The following YIPF4 variants were observed in gnomAD, a reference collection of about 807,000 sequenced individuals.
YIPF4 encodes the protein Yip1 domain family member 4.
Under a neutral mutation model 29.4 loss-of-function variants are expected in YIPF4, and 18 were observed. That is an observed-to-expected ratio of 0.61 (90% CI 0.42 to 0.91). YIPF4 has a LOEUF of 0.91. Ranked by LOEUF, YIPF4 falls within the 40% of genes least tolerant of loss-of-function variation. The probability of loss-of-function intolerance (pLI) is 0.00; values close to 1 mark genes in which losing one functional copy is unlikely to be tolerated. For synonymous variants in YIPF4, 115 were observed against 104.7 expected (o/e 1.10, Z -0.60); for missense variants, 279 against 282.7 (o/e 0.99, Z 0.09).
intron 2 of YIPF4, 51 bp from the exon 3 acceptor site, chr2:32,292,126 T>C: frequency 8.1e-7 from 1 of 1,234,154 alleles, no homozygotes; most frequent in South Asian, 2.2e-5. Context: ...TGGAATTGTT[T>C]TAGTATTCAG....
In YIPF4 at chr2:32,316,177, T is replaced by C. The variant is rs188731212; in HGVS notation, c.*10551T>C. On this transcript the variant is annotated 3_prime_UTR_variant, in exon 6 of 6. Transcript: ENST00000238831. ...GGGAAAAATATTTGTAGGACTTATG[T>C]AGACAAAGGACTAATTTTCTTAATA... 4 of 152,260 alleles carry C rather than the reference T, an allele frequency of 2.6e-5. No homozygotes were observed. Among genetic ancestry groups the C allele is most frequent in the African/African-American group, 9.6e-5 (4 of 41,550 alleles). The allele number at this position is 152,260 out of a possible 1,614,324, so 9.4% of individuals were successfully genotyped here. A position where few individuals can be genotyped will look rare whatever the true frequency, so the allele number is the denominator to read the frequency against.
In YIPF4 at chr2:32,290,600, T is replaced by C. The variant is rs1475456997; in HGVS notation, c.197T>C (p.Val66Ala). 1 of 1,575,974 alleles carries C rather than the reference T, an allele frequency of 6.3e-7. No homozygotes were observed. Among genetic ancestry groups the C allele is most frequent in the Middle Eastern group, 1.7e-4 (1 of 5,916 alleles). Residue 66 changes from valine (V) to alanine (A), a missense_variant, in exon 2 of 6, where the codon GTT becomes GCT. Val to Ala is a moderately conservative substitution (Grantham distance 64). Coordinates refer to ENST00000238831, the MANE Select transcript of YIPF4 (RefSeq NM_032312.4). ...AGAGGTTATGGCTGGCTTCTGGAAG[T>C]TGAAGATGATGATCCTGAAGATAAC... ...RQRGYGWLLE[V>A]EDDDPEDNKP...
At chr2:32,283,802 C>T (rs2030538099) in intron 1 of YIPF4, among the ~76,000 whole-genome samples, 1 of 151,558 alleles carries the variant, frequency 6.6e-6, no homozygotes. Flanking sequence ...ATTGCAACCT[C>T]TGCCTCCCAG....
Position 32,279,900 on chromosome 2 carries a change from CT to C in YIPF4, c.79+1681del, listed in dbSNP as rs763736310. Among the ~76,000 whole-genome samples, 621 of 127,534 alleles carry C rather than the reference CT, an allele frequency of 4.9e-3. 3 individuals carry two copies. Among genetic ancestry groups the C allele is most frequent in the African/African-American group, 0.013 (444 of 34,936 alleles). 83.7% of individuals were successfully genotyped at this position (127,534 alleles called of 152,430 possible). A position where few individuals can be genotyped will look rare whatever the true frequency, so the allele number is the denominator to read the frequency against. On this transcript the variant is annotated intron_variant, in intron 1 of 5. Coordinates refer to ENST00000238831, the MANE Select transcript of YIPF4 (RefSeq NM_032312.4). ...CATTTATTTTTTTTTCTCTTATGTTCTTTTTTTTTTTTTTTGAGGTGTGGTC... is the reference window on the plus strand; with the variant it reads ...CATTTATTTTTTTTTCTCTTATGTTCTTTTTTTTTTTTTTGAGGTGTGGTC...
rs2031601493 is a variant in YIPF4, at chr2:32,306,999, A to G, written c.*1373A>G. On this transcript the variant is annotated 3_prime_UTR_variant, in exon 6 of 6. Transcript: ENST00000238831. ...AGCCGTCTTCCTTTCCCCTAATCCC[A>G]AAAGGAAAGAAAGAAAAACTTATTT... The G allele has an allele frequency of 1.1e-5, 8 of 738,678 alleles. No individual in the cohort carries two copies. Among genetic ancestry groups the G allele is most frequent in the Non-Finnish European group, 1.3e-5 (7 of 521,390 alleles). 45.8% of individuals were successfully genotyped at this position (738,678 alleles called of 1,614,324 possible).
At position 32,312,304 on chromosome 2, in the gene YIPF4, CG is replaced by C. The variant is rs2031729252; in HGVS notation, c.*6680del. Reference sequence around the variant, plus strand: ...GAGATCGAGACCATCCTGGCTAACACGGTGAAACCCTGACTCTACTAAAAAT... The same window carrying C: ...GAGATCGAGACCATCCTGGCTAACACGTGAAACCCTGACTCTACTAAAAAT... On this transcript the variant is annotated 3_prime_UTR_variant, in exon 6 of 6. Coordinates refer to ENST00000238831, the MANE Select transcript of YIPF4 (RefSeq NM_032312.4). 2 of 151,214 alleles carry C rather than the reference CG, an allele frequency of 1.3e-5. No homozygotes were observed. Among genetic ancestry groups the C allele is most frequent in the South Asian group, 2.1e-4 (1 of 4,786 alleles). The allele number at this position is 151,214 out of a possible 1,614,324, so 9.4% of individuals were successfully genotyped here. A position where few individuals can be genotyped will look rare whatever the true frequency, so the allele number is the denominator to read the frequency against.
In YIPF4 at chr2:32,301,063, A is replaced by G. The variant is rs115302935; in HGVS notation, c.484-319A>G. Among the ~76,000 whole-genome samples the G allele has an allele frequency of 5.5e-3, 832 of 152,276 alleles. 11 individuals carry two copies. Among genetic ancestry groups the G allele is most frequent in the African/African-American group, 0.019 (784 of 41,552 alleles). On this transcript the variant is annotated intron_variant, in intron 4 of 5. Transcript: ENST00000238831. ...TGTAGTCCCTTTAAATAATTCTACA[A>G]TTTAGGGGAAGTAGTGACAAAATGT...
At position 32,314,825 on chromosome 2, in the gene YIPF4, A is replaced by C. The variant is rs2031790332; in HGVS notation, c.*9199A>C. 6.6e-6 allele frequency: 1 copy of C among 152,218 alleles called. No homozygotes were observed. Among genetic ancestry groups the C allele is most frequent in the Non-Finnish European group, 1.5e-5 (1 of 68,040 alleles). 9.4% of individuals were successfully genotyped at this position (152,218 alleles called of 1,614,324 possible). On this transcript the variant is annotated 3_prime_UTR_variant, in exon 6 of 6. Coordinates refer to ENST00000238831, the MANE Select transcript of YIPF4 (RefSeq NM_032312.4). ...AAATTTAAGTCATTTAGGTCAATGA[A>C]ACAGGAGGGTTTCCAGAATTATACC...
intron 1 of YIPF4, among the ~76,000 whole-genome samples, chr2:32,287,563 A>G (rs1015093071): frequency 6.6e-6 from 1 of 152,234 alleles, no homozygotes; most frequent in Non-Finnish European, 1.5e-5. Flanking sequence ...GCAGATCAGT[A>G]GTAAATTTCA....
Position 32,306,055 on chromosome 2 carries a change from T to A in YIPF4, c.*429T>A. 9.9e-6 allele frequency: 8 copies of A among 809,200 alleles called. No individual in the cohort carries two copies. The highest frequency in any genetic ancestry group is 5.7e-5 in the South Asian group (1 of 17,632). The allele number at this position is 809,200 out of a possible 1,614,324, so 50.1% of individuals were successfully genotyped here. A position where few individuals can be genotyped will look rare whatever the true frequency, so the allele number is the denominator to read the frequency against. On this transcript the variant is annotated 3_prime_UTR_variant, in exon 6 of 6. Transcript: ENST00000238831. ...AGATCCTGCAGATATATATTTATATTTATACATATATATTTATGAAATAAT... is the reference window on the plus strand; with the variant it reads ...AGATCCTGCAGATATATATTTATATATATACATATATATTTATGAAATAAT...
In YIPF4 at chr2:32,307,233, A is replaced by G; in HGVS notation, c.*1607A>G. The stretch of plus-strand genomic sequence containing the variant: ...TACACTTAAGAAATTGCTGAGGTTA[A>G]TACTTTGTTATAATGGATTATAATA... On this transcript the variant is annotated 3_prime_UTR_variant, in exon 6 of 6. Coordinates refer to ENST00000238831, the MANE Select transcript of YIPF4 (RefSeq NM_032312.4). The G allele has an allele frequency of 1.1e-6, 1 of 907,552 alleles. No individual in the cohort carries two copies. Among genetic ancestry groups the G allele is most frequent in the Admixed American group, 3.7e-5 (1 of 26,918 alleles). 56.2% of individuals were successfully genotyped at this position (907,552 alleles called of 1,614,324 possible). A position where few individuals can be genotyped will look rare whatever the true frequency, so the allele number is the denominator to read the frequency against.
intron 3 of YIPF4, among the ~76,000 whole-genome samples, chr2:32,294,738 C>T (rs1213002958): frequency 1.3e-5 from 2 of 152,168 alleles, no homozygotes; most frequent in Non-Finnish European, 2.9e-5. Context: ...GAGGTTGTAG[C>T]GAGCCGAGAT....
At position 32,306,957 on chromosome 2, in the gene YIPF4, A is replaced by G; in HGVS notation, c.*1331A>G. 1 of 411,958 alleles carries G rather than the reference A, an allele frequency of 2.4e-6. No individual in the cohort carries two copies. Among genetic ancestry groups the G allele is most frequent in the Non-Finnish European group, 4.2e-6 (1 of 235,424 alleles). 25.5% of individuals were successfully genotyped at this position (411,958 alleles called of 1,614,324 possible). A position where few individuals can be genotyped will look rare whatever the true frequency, so the allele number is the denominator to read the frequency against. On this transcript the variant is annotated 3_prime_UTR_variant, in exon 6 of 6. Transcript: ENST00000238831. ...CACCTCTGAAGCAAACCTACAAATG[A>G]GTGTGTTATCAAGCCCAGCCGTCTT...
chr2:32,305,632 G>C lies in YIPF4; in HGVS notation c.*6G>C. ...CGTTATATACTGGTGTGTGATCCAA[G>C]TTATACATGAATAGAAAAAGATGGT... On this transcript the variant is annotated 3_prime_UTR_variant, in exon 6 of 6. Coordinates refer to ENST00000238831, the MANE Select transcript of YIPF4 (RefSeq NM_032312.4). 2 of 1,566,550 alleles carry C rather than the reference G, an allele frequency of 1.3e-6. No homozygotes were observed. The highest frequency in any genetic ancestry group is 1.7e-6 in the Non-Finnish European group (2 of 1,160,064).
chr2:32,283,562 A>G (rs1022639557), intron 1 of YIPF4, among the ~76,000 whole-genome samples: 3 of 152,156 alleles, frequency 2.0e-5, no homozygotes, highest in African/African-American at 7.2e-5. Flanking sequence ...ACTGAACTCA[A>G]ATGCTCTTTC....
chr2:32,286,253 AT>A (rs1163214802), intron 1 of YIPF4, among the ~76,000 whole-genome samples: 13 of 152,200 alleles, frequency 8.5e-5, no homozygotes, highest in Non-Finnish European at 1.0e-4. Context: ...AGTGTCCTGA[AT>A]TTGATAGTTA....
At chr2:32,300,468 T>A (rs1222037705) in intron 4 of YIPF4, among the ~76,000 whole-genome samples, 2 of 151,332 alleles carry the variant, frequency 1.3e-5, no homozygotes, top group African/African-American at 4.8e-5. Context: ...GTTTCTTTTA[T>A]CCCTTCTATT....
chr2:32,283,471 G>A (rs1043097147), intron 1 of YIPF4, among the ~76,000 whole-genome samples: 12 of 152,074 alleles, frequency 7.9e-5, no homozygotes, highest in African/African-American at 2.7e-4. Context: ...GTGCTTTGGT[G>A]TTTTGTCTCC....
rs1362625018 is a variant in YIPF4, at chr2:32,290,497, A to G, written c.94A>G (p.Ile32Val). The G allele has an allele frequency of 4.5e-6, 7 of 1,565,266 alleles. No homozygotes were observed. Among genetic ancestry groups the G allele is most frequent in the Admixed American group, 1.9e-5 (1 of 53,258 alleles). The change falls in exon 2 of 6, where the codon ATA (isoleucine) becomes GTA (valine). Residue 32 changes from isoleucine (I) to valine (V), a missense_variant. Transcript: ENST00000238831. ...SADAEDLSGS[I>V]ASPDVKLNLG... ...TTTCTCCTAAGATCTCAGTGGTTCA[A>G]TAGCATCCCCAGATGTCAAATTAAA...
Sources: allele counts gnomAD v4.1 joint callset (sites outside exome capture counted in the v4.1 genomes callset), GRCh38; gene constraint gnomAD v4.1.1; transcripts MANE v1.5; gene names NCBI Gene and HGNC (gene_info 2026-07-23, HGNC 2026-07-21).